OR9Q1: variants seen among roughly 807,000 people sequenced by gnomAD.
OR9Q1 encodes the protein olfactory receptor 9Q1.
For missense variants in OR9Q1, 374 were observed against 378.8 expected, an observed-to-expected ratio of 0.99 and a Z score of 0.11; for synonymous variants, 153 against 148.6, an observed-to-expected ratio of 1.03 and a Z score of -0.22.
At chr11:58,138,416 A>C (rs1210257139) in intron 2 of OR9Q1, among the ~76,000 whole-genome samples, 1 of 152,184 alleles carries the variant, frequency 6.6e-6, no homozygotes, top group Non-Finnish European at 1.5e-5. Flanking sequence ...TAGTCAGCAA[A>C]AAAGTAGGAA....
At chr11:58,039,280 C>T (rs988952644) in intron 1 of OR9Q1, among the ~76,000 whole-genome samples, 3 of 152,318 alleles carry the variant, frequency 2.0e-5, no homozygotes, top group Non-Finnish European at 2.9e-5. Flanking sequence ...TGAGCCACTG[C>T]GCCCGGCCTA....
chr11:58,124,264 T>C (rs962049377), intron 2 of OR9Q1, among the ~76,000 whole-genome samples: 2 of 152,192 alleles, frequency 1.3e-5, no homozygotes, highest in African/African-American at 2.4e-5. Flanking sequence ...GGCCAGTGAC[T>C]CTTTTAAGAA....
At position 58,045,640 on chromosome 11, in the gene OR9Q1, C is replaced by G. The variant is rs190176880; in HGVS notation, c.-92-10230C>G. The stretch of plus-strand genomic sequence containing the variant: ...TGAGTGCATGACAAGTGCTAGTGAG[C>G]TGGGATCATATTCCGAAGTGTTAAC... On this transcript the variant is annotated intron_variant, in intron 1 of 2. Transcript: ENST00000335397. 3.9e-3 allele frequency among the ~76,000 whole-genome samples: 594 copies of G among 152,286 alleles called. 8 individuals carry two copies. The highest frequency in any genetic ancestry group is 0.014 in the African/African-American group (562 of 41,554).
intron 2 of OR9Q1, among the ~76,000 whole-genome samples, chr11:58,084,507 A>G (rs1257058199): frequency 6.6e-6 from 1 of 151,850 alleles, no homozygotes; most frequent in Non-Finnish European, 1.5e-5. Context: ...ACTTCAGGCC[A>G]ATATCCCCTA....
intron 2 of OR9Q1, among the ~76,000 whole-genome samples, chr11:58,084,275 T>C (rs976301664): frequency 3.3e-5 from 5 of 151,874 alleles, no homozygotes; most frequent in Non-Finnish European, 5.9e-5. Context: ...TTATTAGACA[T>C]GCTACTGATT....
At chr11:58,108,720 T>C (rs975723752) in intron 2 of OR9Q1, 12 of 226,520 alleles carry the variant, frequency 5.3e-5, no homozygotes, top group Admixed American at 4.7e-4. Context: ...CATCAAAAGC[T>C]ACATTCGTTG....
chr11:58,059,687 C>CAAAAAAA lies in OR9Q1; in HGVS notation c.-15+3763_-15+3769dup, dbSNP rs58893511. On this transcript the variant is annotated intron_variant, in intron 2 of 2. Coordinates refer to ENST00000335397, the MANE Select transcript of OR9Q1 (RefSeq NM_001005212.4). ...TGGGTGACTGAGTGAGGCTCTGTCT[C>CAAAAAAA]AAAAAAAAAAAAAAAAAAAAAAAAA... Among the ~76,000 whole-genome samples, 48 of 40,202 alleles carry CAAAAAAA rather than the reference C, an allele frequency of 1.2e-3. 2 individuals are homozygous for CAAAAAAA. Among genetic ancestry groups the CAAAAAAA allele is most frequent in the East Asian group, 5.7e-3 (4 of 696 alleles). The allele number at this position is 40,202 out of a possible 152,430, so 26.4% of individuals were successfully genotyped here. A position where few individuals can be genotyped will look rare whatever the true frequency, so the allele number is the denominator to read the frequency against.
chr11:58,111,203 A>G (rs995517592), intron 2 of OR9Q1, among the ~76,000 whole-genome samples: 6 of 152,156 alleles, frequency 3.9e-5, no homozygotes, highest in African/African-American at 9.7e-5. Flanking sequence ...GGTTTCACCT[A>G]TTGCTCCCAC....
At chr11:58,179,313 A>G in intron 2 of OR9Q1, 118 bp from the exon 3 acceptor site, 1 of 640,436 alleles carries the variant, frequency 1.6e-6, no homozygotes, top group Non-Finnish European at 2.7e-6. Flanking sequence ...TGTGAGCCAC[A>G]GCACCTGGCA....
chr11:58,103,267 A>C (rs1853807317), intron 2 of OR9Q1, among the ~76,000 whole-genome samples: 3 of 152,110 alleles, frequency 2.0e-5, no homozygotes, highest in African/African-American at 7.2e-5. Context: ...TGATCTCATG[A>C]TAATTCACTC....
chr11:58,026,194 ACTCAGGGTCT>A (rs2119898036), intron 1 of OR9Q1, among the ~76,000 whole-genome samples: 1 of 152,290 alleles, frequency 6.6e-6, no homozygotes, highest in Non-Finnish European at 1.5e-5. Flanking sequence ...CATGCCTAGA[ACTCAGGGTCT>A]CCTTGATGAA....
chr11:58,064,467 G>T (rs2120003263), intron 2 of OR9Q1, among the ~76,000 whole-genome samples: 1 of 152,296 alleles, frequency 6.6e-6, no homozygotes, highest in South Asian at 2.1e-4. Flanking sequence ...GGACTCTGTA[G>T]ATGGAGAGCA....
chr11:58,096,923 C>G (rs560839834), intron 2 of OR9Q1, among the ~76,000 whole-genome samples: 1 of 152,076 alleles, frequency 6.6e-6, no homozygotes, highest in East Asian at 1.9e-4. Flanking sequence ...AGGCTCGTCT[C>G]GAACTCCTGA....
chr11:58,108,753 T>G, intron 2 of OR9Q1: 3 of 207,928 alleles, frequency 1.4e-5, no homozygotes, highest in Admixed American at 5.5e-5. Context: ...TACCAACGAG[T>G]TTTCCAAATG....
chr11:58,062,394 C>T (rs996477850), intron 2 of OR9Q1, among the ~76,000 whole-genome samples: 1 of 152,138 alleles, frequency 6.6e-6, no homozygotes, highest in South Asian at 2.1e-4. Context: ...AGAGAGACTC[C>T]CTTAGTTACA....
At chr11:58,124,645 C>G (rs893712886) in intron 2 of OR9Q1, 1 of 152,074 alleles carries the variant, frequency 6.6e-6, no homozygotes, top group Non-Finnish European at 1.5e-5. Context: ...TTCAACTTGA[C>G]AATAACATAA....
At chr11:58,096,923 C>T (rs560839834) in intron 2 of OR9Q1, among the ~76,000 whole-genome samples, 5 of 152,192 alleles carry the variant, frequency 3.3e-5, no homozygotes, top group Admixed American at 6.5e-5. Context: ...AGGCTCGTCT[C>T]GAACTCCTGA....
intron 1 of OR9Q1, among the ~76,000 whole-genome samples, chr11:58,046,176 G>T (rs1164154099): frequency 6.6e-6 from 1 of 152,216 alleles, no homozygotes. Flanking sequence ...ACTGAGTGAA[G>T]ATCTCAACAG....
At chr11:58,154,395 T>G (rs1210039984) in intron 2 of OR9Q1, among the ~76,000 whole-genome samples, 1 of 132,074 alleles carries the variant, frequency 7.6e-6, no homozygotes, top group African/African-American at 2.7e-5. Context: ...TTTTTTTTTT[T>G]GTCCTGTGAT....
Sources: gnomAD v4.1 joint callset for allele counts (sites outside exome capture counted in the v4.1 genomes callset) on GRCh38, gnomAD v4.1.1 for gene constraint, MANE v1.5 for transcripts, NCBI Gene and HGNC (gene_info 2026-07-23, HGNC 2026-07-21) for gene names.